Variants in ZNF215 observed in about 807,000 individuals in gnomAD.
ZNF215 encodes BWSCR2-associated zinc finger protein 2.
ZNF215 carries 24 observed loss-of-function variants against 27.2 expected under a neutral mutation model. The observed-to-expected ratio is 0.88, with a 90% CI of 0.64 to 1.24. The LOEUF (loss-of-function observed/expected upper bound fraction) is 1.24. Ranked by LOEUF, ZNF215 falls within the 50% of genes most tolerant of loss-of-function variation. ZNF215 has a pLI of 0.00. For missense variants in ZNF215, 675 were observed against 605.7 expected (o/e 1.11, Z -1.20); for synonymous variants, 210 against 204.0 (o/e 1.03, Z -0.25).
At chr11:6,940,304 A>AT (rs1849591388) in intron 3 of ZNF215, among the ~76,000 whole-genome samples, 1 of 151,100 alleles carries the variant, frequency 6.6e-6, no homozygotes, top group Non-Finnish European at 1.5e-5. Context: ...AGAAATTTGG[A>AT]TTTTTGTTTG....
At chr11:6,961,605 G>T (rs1850518750), downstream of ZNF215, among the ~76,000 whole-genome samples, 1 of 152,034 alleles carries the variant, frequency 6.6e-6, no homozygotes. Flanking sequence ...TGTTGAGTAG[G>T]GTTTGATTGT....
At chr11:6,994,399 G>T (rs1851154404) in intron 6 of ZNF215, among the ~76,000 whole-genome samples, 1 of 152,006 alleles carries the variant, frequency 6.6e-6, no homozygotes, top group South Asian at 2.1e-4. Flanking sequence ...AAATTTTAAT[G>T]ACATTAAACT....
chr11:6,975,791 A>C (rs1469124178), intron 5 of ZNF215, among the ~76,000 whole-genome samples: 1 of 152,132 alleles, frequency 6.6e-6, no homozygotes, highest in African/African-American at 2.4e-5. Flanking sequence ...AGCTGTTGTG[A>C]ACAGTGCTGC....
chr11:6,930,344 A>G (rs1849211237), intron 2 of ZNF215, among the ~76,000 whole-genome samples: 1 of 152,230 alleles, frequency 6.6e-6, no homozygotes. Flanking sequence ...TAATTTATGT[A>G]TATATACATA....
intron 3 of ZNF215, among the ~76,000 whole-genome samples, chr11:6,935,604 C>A (rs1258537957): frequency 6.6e-6 from 1 of 151,824 alleles, no homozygotes; most frequent in African/African-American, 2.4e-5. Context: ...AGAAATAGAT[C>A]AAGAATAATA....
At chr11:6,949,574 GCGT>G (rs1448563236) in intron 6 of ZNF215, among the ~76,000 whole-genome samples, 2 of 151,160 alleles carry the variant, frequency 1.3e-5, no homozygotes, top group East Asian at 4.0e-4. Context: ...CTTGTTGATG[GCGT>G]TGTTTGTTTT....
chr11:6,926,477 C>CGGGGGCTCCTA lies in ZNF215; in HGVS notation c.-528_-518dup, dbSNP rs1849042502. The CGGGGGCTCCTA allele has an allele frequency of 6.6e-6, 1 of 152,326 alleles. No individual in the cohort carries two copies. 9.4% of individuals were successfully genotyped at this position (152,326 alleles called of 1,614,324 possible). ...TGGTCTACCTCACCGATCCGGGTCG[C>CGGGGGCTCCTA]GGGGGCTCCTAGGGGGTTCCTTCCA... On this transcript the variant is annotated 5_prime_UTR_variant, in exon 1 of 7. Transcript: ENST00000278319.
At chr11:6,945,739 A>C (rs1225244842) in intron 6 of ZNF215, among the ~76,000 whole-genome samples, 1 of 152,160 alleles carries the variant, frequency 6.6e-6, no homozygotes, top group Non-Finnish European at 1.5e-5. Flanking sequence ...TAGCTATCTG[A>C]TAAATTTCAG....
At chr11:6,986,923 A>G (rs530886482), downstream of ZNF215, among the ~76,000 whole-genome samples, 10 of 152,282 alleles carry the variant, frequency 6.6e-5, no homozygotes, top group South Asian at 2.1e-3. Flanking sequence ...GGGAATACTT[A>G]TACATTGTTT....
At chr11:6,984,700 A>G (rs950562017), downstream of ZNF215, 5 of 152,206 alleles carry the variant, frequency 3.3e-5, no homozygotes, top group African/African-American at 1.2e-4. Context: ...GTATGATTCC[A>G]TAGTTTGAAA....
At chr11:6,986,464 C>T (rs1489160220), downstream of ZNF215, among the ~76,000 whole-genome samples, 2 of 151,552 alleles carry the variant, frequency 1.3e-5, no homozygotes, top group Non-Finnish European at 2.9e-5. Flanking sequence ...TTGATATTGG[C>T]CTTGGGAAAT....
In ZNF215 at chr11:6,951,620, C is replaced by T. The variant is rs1198833982; in HGVS notation, c.713-4070C>T. Among the ~76,000 whole-genome samples, 3 of 152,138 alleles carry T rather than the reference C, an allele frequency of 2.0e-5. No homozygotes were observed. In the South Asian group the frequency reaches 6.2e-4, roughly 31 times the overall value. On this transcript the variant is annotated intron_variant, in intron 6 of 6. Transcript: ENST00000278319. ...TTTATTGAGTCTATCAGAGTCTTCTCTGTTTTCTTCTGTATTAGTCTTGCT... is the reference window on the plus strand; with the variant it reads ...TTTATTGAGTCTATCAGAGTCTTCTTTGTTTTCTTCTGTATTAGTCTTGCT...
At chr11:6,953,422 CTTTG>C (rs1262756512) in intron 6 of ZNF215, among the ~76,000 whole-genome samples, 1 of 152,198 alleles carries the variant, frequency 6.6e-6, no homozygotes, top group Non-Finnish European at 1.5e-5. Flanking sequence ...TTCTTGGAGG[CTTTG>C]TTTGTTTCTT....
In ZNF215 at chr11:6,955,741, G is replaced by A; in HGVS notation, c.764G>A (p.Arg255Lys). 3 of 1,603,568 alleles carry A rather than the reference G, an allele frequency of 1.9e-6. No homozygotes were observed. Among genetic ancestry groups the A allele is most frequent in the Non-Finnish European group, 2.5e-6 (3 of 1,176,856 alleles). Residue 255 changes from arginine to lysine, a missense_variant, in exon 7 of 7, where the codon AGG becomes AAG. Coordinates refer to ENST00000278319, the MANE Select transcript of ZNF215 (RefSeq NM_013250.4). ...TCATCCCATGGAGTGATTATGACAA[G>A]GCTTACCGAAAGTGGACACCCTTCT... Reference protein sequence around the residue: ...EESSHGVIMTRLTESGHPSSD... With the variant: ...EESSHGVIMTKLTESGHPSSD...
chr11:6,950,911 A>G (rs1353469335), intron 6 of ZNF215, among the ~76,000 whole-genome samples: 3 of 152,090 alleles, frequency 2.0e-5, no homozygotes, highest in Non-Finnish European at 4.4e-5. Context: ...CGTCCCATCA[A>G]TACCTAATTT....
chr11:6,963,624 G>A (rs1850560742), intron 5 of ZNF215, among the ~76,000 whole-genome samples: 1 of 152,020 alleles, frequency 6.6e-6, no homozygotes, highest in South Asian at 2.1e-4. Context: ...GTTAAGATAT[G>A]TTTTCATTTA....
intron 6 of ZNF215, among the ~76,000 whole-genome samples, chr11:6,954,981 A>G: frequency 6.6e-6 from 1 of 152,232 alleles, no homozygotes; most frequent in East Asian, 1.9e-4. Flanking sequence ...GTGGAACATA[A>G]TTAAATAAAA....
chr11:6,944,919 A>T (rs547305468), intron 6 of ZNF215, among the ~76,000 whole-genome samples: 1 of 152,326 alleles, frequency 6.6e-6, no homozygotes, highest in South Asian at 2.1e-4. Context: ...TTATATCATA[A>T]TACATTTAAC....
At chr11:6,930,124 A>G (rs541632433) in intron 2 of ZNF215, among the ~76,000 whole-genome samples, 38 of 143,508 alleles carry the variant, frequency 2.6e-4, no homozygotes, top group African/African-American at 9.3e-4. Context: ...TTTTTTGAGC[A>G]TTTCTTTACT....
Sources: allele counts gnomAD v4.1 joint callset (sites outside exome capture counted in the v4.1 genomes callset), GRCh38; gene constraint gnomAD v4.1.1; transcripts MANE v1.5; gene names NCBI Gene and HGNC (gene_info 2026-07-23, HGNC 2026-07-21).